Variants in SNX25 observed in about 807,000 individuals in gnomAD.
SNX25 encodes the protein sorting nexin-25.
A neutral mutation model predicts 113.7 loss-of-function variants in SNX25; 62 were observed. The ratio of observed to expected loss-of-function variants is 0.55; its 90% confidence interval spans 0.44 to 0.67. SNX25 has a LOEUF of 0.67. SNX25 is among the 30% of genes least tolerant of loss of function. SNX25 has a pLI of 0.00. For missense variants in SNX25, 1,014 were observed against 1,161.0 expected (o/e 0.87, Z 1.84); for synonymous variants, 421 against 436.2 (o/e 0.97, Z 0.43).
intron 1 of SNX25, among the ~76,000 whole-genome samples, chr4:185,239,231 C>T (rs1395582267): frequency 1.3e-5 from 2 of 148,284 alleles, no homozygotes; most frequent in Admixed American, 6.9e-5. Flanking sequence ...CCTGTAATCC[C>T]AGCACTTTGG....
At chr4:185,326,443 A>G (rs559958602) in intron 9 of SNX25, among the ~76,000 whole-genome samples, 2 of 152,306 alleles carry the variant, frequency 1.3e-5, no homozygotes, top group East Asian at 3.9e-4. Flanking sequence ...CCAAAACAAG[A>G]CAACAATTGT....
At chr4:185,319,750 T>C (rs1435259961) in intron 7 of SNX25, among the ~76,000 whole-genome samples, 1 of 152,196 alleles carries the variant, frequency 6.6e-6, no homozygotes, top group Non-Finnish European at 1.5e-5. Context: ...GAAATTGGTA[T>C]TTTTTCAGTA....
downstream of SNX25, among the ~76,000 whole-genome samples, chr4:185,371,388 A>G (rs947515848): frequency 6.6e-6 from 1 of 151,898 alleles, no homozygotes; most frequent in African/African-American, 2.4e-5. Flanking sequence ...AAAAGATACA[A>G]AAAATTAGCT....
intron 7 of SNX25, among the ~76,000 whole-genome samples, chr4:185,319,091 ATTTTTTTTATTTTT>A (rs202039496): frequency 4.2e-5 from 2 of 47,244 alleles, no homozygotes; most frequent in Admixed American, 2.3e-4. Flanking sequence ...ATTTTATTTT[ATTTTTTTTATTTTT>A]TTTTTTTTAA....
Position 185,350,819 on chromosome 4 carries a change from G to A in SNX25, c.2302-626G>A, listed in dbSNP as rs112743341. 8.5e-5 allele frequency among the ~76,000 whole-genome samples: 13 copies of A among 152,256 alleles called. 1 individual carries two copies. The highest frequency in any genetic ancestry group is 2.4e-4 in the African/African-American group (10 of 41,544). Reference sequence around the variant, plus strand: ...AGAAGTTGCGGTGAGCCAAGATGGCGCCACTGCACGACATCCTGGATGACC... The same window carrying A: ...AGAAGTTGCGGTGAGCCAAGATGGCACCACTGCACGACATCCTGGATGACC... On this transcript the variant is annotated intron_variant, in intron 13 of 18. Transcript: ENST00000652585.
intron 9 of SNX25, among the ~76,000 whole-genome samples, chr4:185,328,735 A>G (rs531406172): frequency 1.3e-5 from 2 of 152,310 alleles, no homozygotes; most frequent in Admixed American, 1.3e-4. Flanking sequence ...CAAATCAAAC[A>G]TGGAGAAAGG....
At position 185,320,843 on chromosome 4, in the gene SNX25, A is replaced by T. The variant is rs923699426; in HGVS notation, c.1455A>T (p.Glu485Asp). Residue 485 changes from glutamate (E) to aspartate (D), a missense_variant, in exon 8 of 19, where the codon GAA becomes GAT. Coordinates refer to ENST00000652585, the MANE Select transcript of SNX25 (RefSeq NM_001378034.2). Reference protein sequence around the residue: ...RALISFWESVEHLKNANKNEI... With the variant: ...RALISFWESVDHLKNANKNEI... Reference sequence around the variant, plus strand: ...TGATTAGTTTTTGGGAATCTGTGGAACATTTAAAGAATGCTAACAAGGTAG... The same window carrying T: ...TGATTAGTTTTTGGGAATCTGTGGATCATTTAAAGAATGCTAACAAGGTAG... 1.8e-5 allele frequency: 29 copies of T among 1,603,806 alleles called. No homozygotes were observed. Among genetic ancestry groups the T allele is most frequent in the African/African-American group, 2.7e-5 (2 of 74,566 alleles).
chr4:185,236,554 GACAA>G (rs1742677749), intron 1 of SNX25, among the ~76,000 whole-genome samples: 1 of 152,018 alleles, frequency 6.6e-6, no homozygotes, highest in South Asian at 2.1e-4. Flanking sequence ...AAAAGATGGA[GACAA>G]ACTAAATATA....
At chr4:185,221,572 C>A (rs1739865360) in intron 1 of SNX25, among the ~76,000 whole-genome samples, 1 of 152,138 alleles carries the variant, frequency 6.6e-6, no homozygotes, top group African/African-American at 2.4e-5. Flanking sequence ...CAATTGGTCT[C>A]TGCCTCCATG....
chr4:185,212,901 G>A (rs1017945421), intron 1 of SNX25, among the ~76,000 whole-genome samples: 4 of 152,174 alleles, frequency 2.6e-5, no homozygotes, highest in African/African-American at 9.7e-5. Flanking sequence ...TTCTCCTAGT[G>A]TGAGCTAGAC....
chr4:185,215,209 A>G (rs938326245), intron 1 of SNX25, among the ~76,000 whole-genome samples: 3 of 152,032 alleles, frequency 2.0e-5, no homozygotes, highest in Non-Finnish European at 4.4e-5. Flanking sequence ...AGCCTGGGCG[A>G]CAGAGCGAGA....
chr4:185,266,851 TCC>T (rs1748166405), intron 4 of SNX25, 116 bp from the exon 5 acceptor site: 4 of 819,680 alleles, frequency 4.9e-6, no homozygotes, highest in South Asian at 1.8e-5. Context: ...ATATAGATAT[TCC>T]CCTGTTTGAC....
chr4:185,377,958 A>G, the SNX25 span: 1 of 779,748 alleles, frequency 1.3e-6, no homozygotes, highest in Non-Finnish European at 2.0e-6. Flanking sequence ...ACTCAAAAGG[A>G]CTAATGATTA....
At chr4:185,371,692 C>A (rs1251903486), downstream of SNX25, among the ~76,000 whole-genome samples, 2 of 152,064 alleles carry the variant, frequency 1.3e-5, no homozygotes, top group African/African-American at 2.4e-5. Context: ...TAAGGGAAAG[C>A]GCCGAAGATT....
chr4:185,207,132 C>T (rs1270558544), upstream of SNX25, among the ~76,000 whole-genome samples: 2 of 151,444 alleles, frequency 1.3e-5, no homozygotes, highest in East Asian at 3.9e-4. Flanking sequence ...TCTTGGGAAA[C>T]ACCCAGAAAT....
intron 6 of SNX25, chr4:185,295,784 C>T (rs1368099355): frequency 6.6e-6 from 1 of 152,030 alleles, no homozygotes; most frequent in African/African-American, 2.4e-5. Context: ...TGTTGTGATG[C>T]AAGAGATGAT....
At chr4:185,264,672 G>C (rs979469594) in intron 4 of SNX25, 62 bp downstream of exon 4, 1 of 1,513,932 alleles carries the variant, frequency 6.6e-7, no homozygotes, top group South Asian at 1.1e-5. Context: ...GCTACATGCA[G>C]ACCTTGTTTA....
intron 6 of SNX25, among the ~76,000 whole-genome samples, chr4:185,298,653 C>G (rs766216923): frequency 6.6e-6 from 1 of 152,080 alleles, no homozygotes; most frequent in Non-Finnish European, 1.5e-5. Flanking sequence ...TGCATTCCAG[C>G]CACATTAACT....
intron 8 of SNX25, 59 bp from the exon 9 acceptor site, chr4:185,323,454 CAAATAATTCAGAGAA>C: frequency 7.0e-7 from 1 of 1,433,060 alleles, no homozygotes. Flanking sequence ...CTTTCAAATG[CAAATAATTCAGAGAA>C]AAATAATTTC....
Sources: allele counts gnomAD v4.1 joint callset (sites outside exome capture counted in the v4.1 genomes callset), GRCh38; gene constraint gnomAD v4.1.1; transcripts MANE v1.5; gene names NCBI Gene and HGNC (gene_info 2026-07-23, HGNC 2026-07-21).